Variants in PRKDC observed in about 807,000 individuals in gnomAD.
The protein encoded by PRKDC is protein kinase, DNA-activated, catalytic subunit.
Under a neutral mutation model 486.9 loss-of-function variants are expected in PRKDC, and 82 were observed. The observed-to-expected ratio is 0.17, with a 90% CI of 0.14 to 0.20. The LOEUF (loss-of-function observed/expected upper bound fraction) is 0.20, where lower values mean the gene tolerates loss of function less well. PRKDC is among the 10% of genes least tolerant of loss of function. The pLI, the probability that PRKDC is intolerant of heterozygous loss-of-function variation, is 1.00. For synonymous variants in PRKDC, 1,895 were observed against 1,837.0 expected, an observed-to-expected ratio of 1.03 and a Z score of -0.81; for missense variants, 4,504 against 5,038.2, an observed-to-expected ratio of 0.89 and a Z score of 3.21.
At position 47,858,863 on chromosome 8, in the gene PRKDC, G is replaced by A. The variant is rs777504270; in HGVS notation, c.6331C>T (p.Pro2111Ser). The A allele has an allele frequency of 6.2e-7, 1 of 1,613,434 alleles. No individual in the cohort carries two copies. Among genetic ancestry groups the A allele is most frequent in the Non-Finnish European group, 8.5e-7 (1 of 1,179,564 alleles). The stretch of plus-strand genomic sequence containing the variant: ...GGGAAAAGCACCTCTTCTCCTTGAG[G>A]CGGGCCCAGGCTTCTGTGCATGTGC... ...VKHMHRSLGP[P>S]QGEEDSVPRD... The change falls in exon 47 of 86, where the codon CCT (proline) becomes TCT (serine). Residue 2111 changes from proline to serine, a missense_variant. Coordinates refer to ENST00000314191, the MANE Select transcript of PRKDC (RefSeq NM_006904.7).
intron 69 of PRKDC, among the ~76,000 whole-genome samples, 175 bp downstream of exon 69, chr8:47,806,962 C>A (rs1248566150): frequency 6.6e-6 from 1 of 152,134 alleles, no homozygotes; most frequent in African/African-American, 2.4e-5. Flanking sequence ...TCTCAAAATG[C>A]TGAGATTACA....
chr8:47,939,638 C>T lies in PRKDC; in HGVS notation c.1026G>A (p.Met342Ile). ...TTCTGATGATTCCATAAAACTGCTC[C>T]ATAAAGTACTGCAGTTTATTTTTAT... is the stretch of plus-strand genomic sequence containing the variant. ...EMHKNKLQYF[M>I]EQFYGIIRNV... The change falls in exon 11 of 86, where the codon ATG becomes ATA. Residue 342 changes from methionine to isoleucine, a missense_variant. By Grantham distance (10) the Met-to-Ile change is conservative. Coordinates refer to ENST00000314191, the MANE Select transcript of PRKDC (RefSeq NM_006904.7). 1 of 1,612,920 alleles carries T rather than the reference C, an allele frequency of 6.2e-7. No homozygotes were observed. The highest frequency in any genetic ancestry group is 8.5e-7 in the Non-Finnish European group (1 of 1,179,052).
intron 21 of PRKDC, among the ~76,000 whole-genome samples, chr8:47,922,525 C>T (rs572740922): frequency 3.3e-5 from 5 of 151,668 alleles, no homozygotes; most frequent in East Asian, 2.0e-4. Context: ...AGACTGGTCT[C>T]GAACTCCTGG....
At chr8:47,787,816 C>T (rs2086816018) in intron 76 of PRKDC, among the ~76,000 whole-genome samples, 1 of 152,148 alleles carries the variant, frequency 6.6e-6, no homozygotes, top group Admixed American at 6.5e-5. Flanking sequence ...GGCCCTGCTG[C>T]TAATGGGTAT....
At chr8:47,853,312 G>A (rs1451498178) in intron 51 of PRKDC, among the ~76,000 whole-genome samples, 1 of 152,222 alleles carries the variant, frequency 6.6e-6, no homozygotes, top group Non-Finnish European at 1.5e-5. Flanking sequence ...TGAGGCTGCC[G>A]CGAAGCTGGC....
chr8:47,939,221 ACCC>A (rs2090399629), intron 11 of PRKDC, among the ~76,000 whole-genome samples: 1 of 152,134 alleles, frequency 6.6e-6, no homozygotes, highest in Non-Finnish European at 1.5e-5. Context: ...TAATACAGTG[ACCC>A]TCAGTACATG....
chr8:47,780,959 T>C (rs1366861937), intron 80 of PRKDC, among the ~76,000 whole-genome samples: 2 of 152,034 alleles, frequency 1.3e-5, no homozygotes, highest in African/African-American at 2.4e-5. Context: ...CACTGTAACA[T>C]GCTGAATTAA....
chr8:47,873,918 G>C (rs1480276802), intron 40 of PRKDC, among the ~76,000 whole-genome samples: 1 of 151,824 alleles, frequency 6.6e-6, no homozygotes, highest in Non-Finnish European at 1.5e-5. Context: ...AACATGGTTA[G>C]ATAGAATAAA....
At chr8:47,789,307 C>A (rs1024950238) in intron 74 of PRKDC, 69 bp from the exon 75 acceptor site, 1 of 685,710 alleles carries the variant, frequency 1.5e-6, no homozygotes, top group African/African-American at 1.9e-5. Context: ...ATTTTATATA[C>A]CATACATATA....
At chr8:47,801,190 A>G (rs899067478) in intron 70 of PRKDC, among the ~76,000 whole-genome samples, 1 of 151,748 alleles carries the variant, frequency 6.6e-6, no homozygotes, top group Non-Finnish European at 1.5e-5. Flanking sequence ...TCCCACCTCA[A>G]CCTCCCAATT....
chr8:47,925,662 G>C (rs983108657), intron 21 of PRKDC, among the ~76,000 whole-genome samples: 24 of 152,160 alleles, frequency 1.6e-4, no homozygotes, highest in African/African-American at 5.6e-4. Context: ...TTACGTAAAA[G>C]AATGTCCTCA....
chr8:47,841,582 C>G (rs187140806), intron 54 of PRKDC, among the ~76,000 whole-genome samples: 1 of 152,184 alleles, frequency 6.6e-6, no homozygotes, highest in Non-Finnish European at 1.5e-5. Flanking sequence ...CTGGTCTCAG[C>G]CCCCCAGGGT....
intron 75 of PRKDC, 37 bp downstream of exon 75, chr8:47,789,114 T>C (rs757444223): frequency 6.2e-7 from 1 of 1,612,782 alleles, no homozygotes; most frequent in South Asian, 1.1e-5. Flanking sequence ...TTACCCAACT[T>C]ATATGTTTTA....
chr8:47,864,581 T>C lies in PRKDC; in HGVS notation c.5546A>G (p.Asp1849Gly). The change falls in exon 41 of 86, where the codon GAT becomes GGT. Residue 1849 changes from aspartate to glycine, a missense_variant. Around this residue, in one of 6 missense-constraint regions of PRKDC, gnomAD observed 1,969 missense variants for 2,068.9 expected, o/e 0.95. Coordinates refer to ENST00000314191, the MANE Select transcript of PRKDC (RefSeq NM_006904.7). ...CTTTGTAAACCTGGACTTCAACACA[T>C]CAATGGCATCCACCACAATTGTGCT... ...FFSTIVVDAIDVLKSRFTKLN... is the reference protein window; with the variant it reads ...FFSTIVVDAIGVLKSRFTKLN... 6.2e-7 allele frequency: 1 copy of C among 1,609,670 alleles called. No homozygotes were observed. Among genetic ancestry groups the C allele is most frequent in the South Asian group, 1.1e-5 (1 of 90,152 alleles).
intron 58 of PRKDC, among the ~76,000 whole-genome samples, chr8:47,834,750 G>A (rs2087974405): frequency 6.7e-6 from 1 of 148,442 alleles, no homozygotes; most frequent in East Asian, 2.0e-4. Context: ...GAGTGCAGTG[G>A]CGCGATCTCG....
In PRKDC at chr8:47,881,473, T is replaced by G; in HGVS notation, c.5010A>C (p.Glu1670Asp). The stretch of plus-strand genomic sequence containing the variant: ...GTAGACTAATATATGTTGTAAAGAC[T>G]TCAGGGAATGAACCATGACTTGTAT... The part of the protein sequence containing the change: ...SFNTSHGSFP[E>D]VFTTYISLLA... The change falls in exon 38 of 86, where the codon GAA becomes GAC. Residue 1670 changes from glutamate (E) to aspartate (D), a missense_variant. By Grantham distance (45) the Glu-to-Asp change is conservative. Around this residue, in one of 6 missense-constraint regions of PRKDC, gnomAD observed 1,969 missense variants for 2,068.9 expected, o/e 0.95. Coordinates refer to ENST00000314191, the MANE Select transcript of PRKDC (RefSeq NM_006904.7). The G allele has an allele frequency of 6.3e-7, 1 of 1,580,410 alleles. No individual in the cohort carries two copies. The highest frequency in any genetic ancestry group is 1.7e-5 in the Admixed American group (1 of 58,956).
rs1395144570 is a variant in PRKDC, at chr8:47,776,931, T to C, written c.12095A>G (p.Asn4032Ser). 1.2e-6 allele frequency: 2 copies of C among 1,613,606 alleles called. No individual in the cohort carries two copies. Among genetic ancestry groups the C allele is most frequent in the Non-Finnish European group, 1.7e-6 (2 of 1,179,842 alleles). ...GGGGTACCAATTTTTTTCAGCAACA[T>C]TTATTTCTTGAATCCATGACCCTCC... ...KKGGSWIQEI[N>S]VAEKNWYPRQ... is the part of the protein sequence containing the mutation. Residue 4032 changes from asparagine (N) to serine (S), a missense_variant, in exon 85 of 86, where the codon AAT (asparagine) becomes AGT (serine). Coordinates refer to ENST00000314191, the MANE Select transcript of PRKDC (RefSeq NM_006904.7).
At position 47,928,447 on chromosome 8, in the gene PRKDC, C is replaced by T. The variant is rs577914594; in HGVS notation, c.2140-557G>A. 2.0e-5 allele frequency among the ~76,000 whole-genome samples: 3 copies of T among 152,232 alleles called. 1 individual carries two copies. Among genetic ancestry groups the T allele is most frequent in the African/African-American group, 7.2e-5 (3 of 41,552 alleles). On this transcript the variant is annotated intron_variant, in intron 19 of 85. Transcript: ENST00000314191. ...GGATTACAGGCACGAACCAAAGTGC[C>T]TGGCTGAGGGACTTTTGAAGCACAA...
rs1326966370 is a variant in PRKDC, at chr8:47,918,380, T to C, written c.2423A>G (p.Glu808Gly). The change falls in exon 22 of 86, where the codon GAG becomes GGG. Residue 808 changes from glutamate to glycine, a missense_variant. Transcript: ENST00000314191. ...GYLKTSALSD[E>G]TKNNWEVSAL... Reference sequence around the variant, plus strand: ...TGACACTTCCCAGTTATTCTTGGTCTCATCTATCAATAGTAAACGAAAATA... The same window carrying C: ...TGACACTTCCCAGTTATTCTTGGTCCCATCTATCAATAGTAAACGAAAATA... 5 of 1,562,714 alleles carry C rather than the reference T, an allele frequency of 3.2e-6. No individual in the cohort carries two copies. Among genetic ancestry groups the C allele is most frequent in the Non-Finnish European group, 3.5e-6 (4 of 1,152,360 alleles).
Sources: gnomAD v4.1 joint callset for allele counts (sites outside exome capture counted in the v4.1 genomes callset) on GRCh38, gnomAD v4.1.1 for gene constraint, gnomAD v4.1.1 regional missense constraint, MANE v1.5 for transcripts, NCBI Gene and HGNC (gene_info 2026-07-23, HGNC 2026-07-21) for gene names.